ERBB4: variants seen among roughly 807,000 people sequenced by gnomAD.
The protein encoded by ERBB4 is erb-b2 receptor tyrosine kinase 4.
In ERBB4, 42 loss-of-function variants were observed where a neutral mutation model predicts 158.0. That is an observed-to-expected ratio of 0.27 (90% CI 0.21 to 0.34). The LOEUF (loss-of-function observed/expected upper bound fraction) is 0.34, where lower values mean the gene tolerates loss of function less well. Among genes scored for constraint, ERBB4 ranks in the 10% least tolerant of loss-of-function variants. The probability of loss-of-function intolerance (pLI) is 1.00; values close to 1 mark genes in which losing one functional copy is unlikely to be tolerated. For missense variants in ERBB4, 1,333 were observed against 1,624.1 expected, an observed-to-expected ratio of 0.82 and a Z score of 3.08; for synonymous variants, 583 against 558.7, an observed-to-expected ratio of 1.04 and a Z score of -0.61.
At chr2:211,809,203 TA>T (rs2076690988) in intron 3 of ERBB4, among the ~76,000 whole-genome samples, 1 of 152,116 alleles carries the variant, frequency 6.6e-6, no homozygotes, top group Non-Finnish European at 1.5e-5. Flanking sequence ...CCTCTCTTCA[TA>T]AAATGAATTA....
At position 212,281,327 on chromosome 2, in the gene ERBB4, T is replaced by G. The variant is rs549235738; in HGVS notation, c.83-156424A>C. Among the ~76,000 whole-genome samples the G allele has an allele frequency of 2.0e-5, 3 of 151,820 alleles. No homozygotes were observed. The East Asian group carries it at 5.8e-4, about 30-fold the overall frequency. On this transcript the variant is annotated intron_variant, in intron 1 of 27. Coordinates refer to ENST00000342788, the MANE Select transcript of ERBB4 (RefSeq NM_005235.3). The stretch of plus-strand genomic sequence containing the variant: ...AGAAGTGAGATGTTACGGGAATTAG[T>G]GTAAAATTTTAAAAGTGTGCAATAG...
intron 15 of ERBB4, 114 bp downstream of exon 15, chr2:211,665,209 T>C: frequency 9.4e-7 from 1 of 1,059,434 alleles, no homozygotes; most frequent in Non-Finnish European, 1.5e-6. Context: ...ATTTTAAATA[T>C]AAGGATTAGT....
intron 1 of ERBB4, among the ~76,000 whole-genome samples, chr2:212,189,857 A>G (rs946584062): frequency 2.0e-5 from 3 of 152,178 alleles, no homozygotes; most frequent in African/African-American, 7.2e-5. Flanking sequence ...GACTTCAAGG[A>G]GTTAAAAAAA....
intron 19 of ERBB4, among the ~76,000 whole-genome samples, chr2:211,615,660 T>C (rs1483932906): frequency 1.3e-5 from 2 of 152,126 alleles, no homozygotes; most frequent in East Asian, 3.9e-4. Context: ...CCTTATTTAT[T>C]TTTTGCCTAT....
At chr2:211,752,646 C>T (rs2075168584) in intron 4 of ERBB4, among the ~76,000 whole-genome samples, 1 of 152,042 alleles carries the variant, frequency 6.6e-6, no homozygotes, top group African/African-American at 2.4e-5. Context: ...TTTTCTCTTA[C>T]TCGATTAATT....
At chr2:211,869,819 T>C in intron 3 of ERBB4, among the ~76,000 whole-genome samples, 1 of 152,208 alleles carries the variant, frequency 6.6e-6, no homozygotes, top group East Asian at 1.9e-4. Flanking sequence ...TATTATTTTC[T>C]TCATGATTTA....
chr2:211,772,955 A>ATATTT (rs1553630145), intron 4 of ERBB4, among the ~76,000 whole-genome samples: 11 of 83,290 alleles, frequency 1.3e-4, no homozygotes, highest in Middle Eastern at 6.7e-3. Flanking sequence ...ATATATATAT[A>ATATTT]TTTTTTTTTT....
chr2:211,753,941 TC>T (rs1398003108), intron 4 of ERBB4, among the ~76,000 whole-genome samples: 2 of 144,776 alleles, frequency 1.4e-5, no homozygotes, highest in African/African-American at 5.1e-5. Context: ...CACTGCAAGC[TC>T]CGCCTCCTGG....
intron 3 of ERBB4, among the ~76,000 whole-genome samples, chr2:211,944,184 T>C (rs1309024611): frequency 4.8e-5 from 2 of 42,094 alleles, no homozygotes; most frequent in African/African-American, 1.2e-4. Flanking sequence ...ATACTATATA[T>C]ATATATATAT....
chr2:212,246,083 G>A (rs1270410722), intron 1 of ERBB4, among the ~76,000 whole-genome samples: 2 of 152,090 alleles, frequency 1.3e-5, no homozygotes, highest in Non-Finnish European at 2.9e-5. Context: ...GATATGTGCT[G>A]TCTCCAAGAG....
At chr2:211,975,160 T>C (rs766250733) in intron 2 of ERBB4, among the ~76,000 whole-genome samples, 2 of 152,128 alleles carry the variant, frequency 1.3e-5, no homozygotes, top group Non-Finnish European at 2.9e-5. Flanking sequence ...TTTGTATCTT[T>C]TTGTAGATAT....
intron 2 of ERBB4, among the ~76,000 whole-genome samples, chr2:212,110,770 C>T (rs1277131166): frequency 6.6e-6 from 1 of 152,188 alleles, no homozygotes; most frequent in African/African-American, 2.4e-5. Context: ...CTTCAGGGGA[C>T]TACATTTCTT....
At chr2:212,058,884 A>T (rs900054962) in intron 2 of ERBB4, among the ~76,000 whole-genome samples, 4 of 152,172 alleles carry the variant, frequency 2.6e-5, no homozygotes, top group African/African-American at 9.7e-5. Context: ...CTGGCACAAG[A>T]CAGGGATGCC....
At chr2:211,454,197 CTAATA>C (rs904976134) in intron 20 of ERBB4, among the ~76,000 whole-genome samples, 66 of 152,236 alleles carry the variant, frequency 4.3e-4, no homozygotes, top group African/African-American at 1.4e-3. Context: ...TTGCACCAAT[CTAATA>C]TTTGTATTAA....
intron 1 of ERBB4, among the ~76,000 whole-genome samples, chr2:212,413,770 T>G (rs757084691): frequency 1.9e-4 from 29 of 152,190 alleles, no homozygotes; most frequent in Non-Finnish European, 3.5e-4. Flanking sequence ...TATTTTTATA[T>G]GACATGTACA....
chr2:212,524,347 C>A (rs1692332835), intron 1 of ERBB4, among the ~76,000 whole-genome samples: 1 of 151,994 alleles, frequency 6.6e-6, no homozygotes. Context: ...AGTCCCATAT[C>A]TAATACACAC....
chr2:212,041,324 T>C (rs2077136944), intron 2 of ERBB4, among the ~76,000 whole-genome samples: 1 of 151,830 alleles, frequency 6.6e-6, no homozygotes, highest in Non-Finnish European at 1.5e-5. Context: ...TGTAAACAGA[T>C]ATATCTAAGC....
intron 4 of ERBB4, among the ~76,000 whole-genome samples, chr2:211,765,441 C>G (rs900273276): frequency 6.6e-6 from 1 of 152,142 alleles, no homozygotes; most frequent in Non-Finnish European, 1.5e-5. Flanking sequence ...TATACTCTTA[C>G]TCTTAATGTA....
chr2:212,170,319 G>C (rs12694266), intron 1 of ERBB4, among the ~76,000 whole-genome samples: 92,067 of 152,064 alleles, frequency 0.61, 28,959 homozygotes, highest in African/African-American at 0.67. Context: ...GGAAAACTTT[G>C]AACTTGAGAG....
Sources: allele counts gnomAD v4.1 joint callset (sites outside exome capture counted in the v4.1 genomes callset), GRCh38; gene constraint gnomAD v4.1.1; transcripts MANE v1.5; gene names NCBI Gene and HGNC (gene_info 2026-07-23, HGNC 2026-07-21).